Variants in RFTN1 observed in about 807,000 individuals in gnomAD.
RFTN1 encodes raftlin.
Under a neutral mutation model 46.5 loss-of-function variants are expected in RFTN1, and 26 were observed. The ratio of observed to expected loss-of-function variants is 0.56; its 90% confidence interval spans 0.41 to 0.78. The LOEUF is 0.78. Among genes scored for constraint, RFTN1 ranks in the 30% least tolerant of loss-of-function variants. The pLI is 0.00. For synonymous variants in RFTN1, 261 were observed against 284.2 expected (o/e 0.92, Z 0.82); for missense variants, 693 against 718.7 (o/e 0.96, Z 0.41).
intron 2 of RFTN1, among the ~76,000 whole-genome samples, chr3:16,445,050 G>A (rs1475604573): frequency 6.6e-6 from 1 of 152,166 alleles, no homozygotes; most frequent in African/African-American, 2.4e-5. Context: ...TGGTAAAATT[G>A]GTTTCATTAC....
At position 16,413,976 on chromosome 3, in the gene RFTN1, C is replaced by G. The variant is rs1370607487; in HGVS notation, c.333-4493G>C. On this transcript the variant is annotated intron_variant, in intron 3 of 9. Transcript: ENST00000334133. This position sits in a 1 kb window ranked among gnomAD's most constrained non-coding sequence, Gnocchi z 4.7. ...ACATTGCTGTAAGGATTAAATAGGA[C>G]AAAAAGAAGCAAAGCCCTTAGCACA... Among the ~76,000 whole-genome samples, 1 of 152,146 alleles carries G rather than the reference C, an allele frequency of 6.6e-6. No homozygotes were observed. Among genetic ancestry groups the G allele is most frequent in the Non-Finnish European group, 1.5e-5 (1 of 68,014 alleles).
rs1324676016 is a variant in RFTN1, at chr3:16,402,613, A to G, written c.441+6762T>C. On this transcript the variant is annotated intron_variant, in intron 4 of 9. Coordinates refer to ENST00000334133, the MANE Select transcript of RFTN1 (RefSeq NM_015150.2). The surrounding 1 kb of genome is among the most constrained non-coding windows in gnomAD (Gnocchi z 4.5). ...GTAGAAATGAAACTCTGAATACTCA[A>G]CAATCAGCCAGAAAGTAAATGATGA... is the stretch of plus-strand genomic sequence containing the variant. Among the ~76,000 whole-genome samples the G allele has an allele frequency of 1.3e-5, 2 of 152,192 alleles. No individual in the cohort carries two copies. Among genetic ancestry groups the G allele is most frequent in the African/African-American group, 4.8e-5 (2 of 41,442 alleles).
chr3:16,458,235 C>G lies in RFTN1; in HGVS notation c.146-24198G>C, dbSNP rs1386390267. Among the ~76,000 whole-genome samples, 1 of 152,120 alleles carries G rather than the reference C, an allele frequency of 6.6e-6. No individual in the cohort carries two copies. ...TAGGTACCAGGAAGATAAAAGGAAA[C>G]AAGATGAGATGATTAGACAATAGAG... On this transcript the variant is annotated intron_variant, in intron 2 of 9. Transcript: ENST00000334133. This position sits in a 1 kb window ranked among gnomAD's most constrained non-coding sequence, Gnocchi z 5.1.
chr3:16,326,698 G>A (rs2069729984), intron 8 of RFTN1, 75 bp downstream of exon 8: 1 of 1,072,422 alleles, frequency 9.3e-7, no homozygotes, highest in African/African-American at 1.6e-5. Context: ...TTATAGACGT[G>A]AGGTGCTCAT....
chr3:16,508,702 A>G (rs1212858775), intron 1 of RFTN1, among the ~76,000 whole-genome samples: 18 of 150,590 alleles, frequency 1.2e-4, no homozygotes, highest in African/African-American at 3.5e-4. Flanking sequence ...GCACGCACAC[A>G]CACACACACA....
At chr3:16,404,123 T>TATATA (rs1306065483) in intron 4 of RFTN1, among the ~76,000 whole-genome samples, 1 of 9,510 alleles carries the variant, frequency 1.1e-4, no homozygotes, top group Admixed American at 2.5e-3. Flanking sequence ...TAATATACAT[T>TATATA]TTATATATAA....
intron 3 of RFTN1, among the ~76,000 whole-genome samples, chr3:16,411,704 C>T (rs183081688): frequency 2.6e-5 from 4 of 152,142 alleles, no homozygotes; most frequent in African/African-American, 9.7e-5. Flanking sequence ...CACTGTCATA[C>T]GTACCATGTG....
rs532872964 is a variant in RFTN1, at chr3:16,351,882, A to G, written c.1146+6050T>C. ...TGGGTGAGGGGACTAGAAAGACTAG[A>G]AAAAAAAATCATGAAAACATGGATT... is the stretch of plus-strand genomic sequence containing the variant. On this transcript the variant is annotated intron_variant, in intron 7 of 9. Transcript: ENST00000334133. This position sits in a 1 kb window ranked among gnomAD's most constrained non-coding sequence, Gnocchi z 5.4. 6.3e-5 allele frequency among the ~76,000 whole-genome samples: 9 copies of G among 142,724 alleles called. 1 individual carries two copies. Among genetic ancestry groups the G allele is most frequent in the Admixed American group, 4.7e-4 (7 of 14,830 alleles). The allele number at this position is 142,724 out of a possible 152,430, so 93.6% of individuals were successfully genotyped here. A position where few individuals can be genotyped will look rare whatever the true frequency, so the allele number is the denominator to read the frequency against.
At chr3:16,467,301 G>A (rs953159357) in intron 2 of RFTN1, among the ~76,000 whole-genome samples, 3 of 152,196 alleles carry the variant, frequency 2.0e-5, no homozygotes, top group African/African-American at 7.2e-5. Context: ...TTTTGAGGAA[G>A]AAAGATCCCA....
In RFTN1 at chr3:16,464,528, T is replaced by A. The variant is rs139903233; in HGVS notation, c.145+29197A>T. Among the ~76,000 whole-genome samples, 179 of 152,360 alleles carry A rather than the reference T, an allele frequency of 1.2e-3. 2 individuals are homozygous for A. The Middle Eastern group carries it at 0.017, about 14-fold the overall frequency. On this transcript the variant is annotated intron_variant, in intron 2 of 9. Coordinates refer to ENST00000334133, the MANE Select transcript of RFTN1 (RefSeq NM_015150.2). Reference sequence around the variant, plus strand: ...AAACAGAAATTTCTCCTTTATATTTTTCAAAGTGTTTTCATTGTCATAATT... The same window carrying A: ...AAACAGAAATTTCTCCTTTATATTTATCAAAGTGTTTTCATTGTCATAATT...
chr3:16,462,488 T>C (rs1466684058), intron 2 of RFTN1, among the ~76,000 whole-genome samples: 2 of 152,180 alleles, frequency 1.3e-5, no homozygotes. Flanking sequence ...TGGGTCCTTA[T>C]AACAGACAGG....
intron 6 of RFTN1, among the ~76,000 whole-genome samples, chr3:16,368,179 C>CA (rs1293719415): frequency 1.3e-5 from 2 of 152,134 alleles, no homozygotes; most frequent in Non-Finnish European, 1.5e-5. Flanking sequence ...ACTGATATGT[C>CA]AGGCTGTAAA....
intron 4 of RFTN1, among the ~76,000 whole-genome samples, chr3:16,389,345 T>TA (rs1039711270): frequency 7.2e-5 from 11 of 152,294 alleles, no homozygotes; most frequent in African/African-American, 2.4e-4. Flanking sequence ...TACAGTGTGC[T>TA]AAAAAAATGA....
intron 1 of RFTN1, among the ~76,000 whole-genome samples, chr3:16,497,087 T>C (rs1033972840): frequency 1.3e-5 from 2 of 152,162 alleles, no homozygotes; most frequent in African/African-American, 2.4e-5. Context: ...AGTGACTGCA[T>C]AGAGGATGAG....
chr3:16,409,579 G>C, intron 3 of RFTN1, 96 bp from the exon 4 acceptor site: 1 of 782,816 alleles, frequency 1.3e-6, no homozygotes, highest in Non-Finnish European at 2.1e-6. Flanking sequence ...GTGCAATGAC[G>C]CGATCTCGGC....
intron 2 of RFTN1, among the ~76,000 whole-genome samples, chr3:16,435,106 C>T (rs901527843): frequency 5.9e-5 from 9 of 152,216 alleles, no homozygotes; most frequent in African/African-American, 2.2e-4. Flanking sequence ...CTACCTCCTA[C>T]ATTTATTTCC....
rs773770552 is a variant in RFTN1 at position 16,410,905 on chromosome 3, G to T, written c.333-1422C>A. 2.0e-5 allele frequency among the ~76,000 whole-genome samples: 3 copies of T among 152,222 alleles called. No individual in the cohort carries two copies. The highest frequency in any genetic ancestry group is 4.4e-5 in the Non-Finnish European group (3 of 68,042). ...TGACACTAGAGTGGAAATCACGTGG[G>T]TGTCAGAAATTGAAGAGGATTCCTT... is the stretch of plus-strand genomic sequence containing the variant. On this transcript the variant is annotated intron_variant, in intron 3 of 9. Coordinates refer to ENST00000334133, the MANE Select transcript of RFTN1 (RefSeq NM_015150.2). The surrounding 1 kb of genome is among the most constrained non-coding windows in gnomAD (Gnocchi z 4.6).
chr3:16,510,035 A>T (rs757680950), intron 1 of RFTN1, among the ~76,000 whole-genome samples: 1 of 152,190 alleles, frequency 6.6e-6, no homozygotes, highest in Non-Finnish European at 1.5e-5. Flanking sequence ...GGCTGTTGGC[A>T]CCACAGAGAG....
At position 16,351,417 on chromosome 3, in the gene RFTN1, G is replaced by A. The variant is rs189964660; in HGVS notation, c.1146+6515C>T. 1.8e-3 allele frequency among the ~76,000 whole-genome samples: 269 copies of A among 152,264 alleles called. 3 individuals are homozygous for A. The highest frequency in any genetic ancestry group is 5.6e-3 in the African/African-American group (231 of 41,534). ...ACAGGCTGGGGAAATGGGCAGAAGC[G>A]AATAGTATGAAATAAAATGGGGGTT... On this transcript the variant is annotated intron_variant, in intron 7 of 9. Transcript: ENST00000334133. The surrounding 1 kb of genome is among the most constrained non-coding windows in gnomAD (Gnocchi z 5.4).
Sources: gnomAD v4.1 joint callset for allele counts (sites outside exome capture counted in the v4.1 genomes callset) on GRCh38, gnomAD v4.1.1 for gene constraint, Gnocchi (gnomAD v3.1) non-coding constraint, MANE v1.5 for transcripts, NCBI Gene and HGNC (gene_info 2026-07-23, HGNC 2026-07-21) for gene names.